The following DOCK7 variants were observed in gnomAD, a reference collection of about 807,000 sequenced individuals.
The protein encoded by DOCK7 is dedicator of cytokinesis protein 7.
A neutral mutation model predicts 271.0 loss-of-function variants in DOCK7; 138 were observed. The ratio of observed to expected loss-of-function variants is 0.51; its 90% CI spans 0.44 to 0.59. The LOEUF (loss-of-function observed/expected upper bound fraction) is 0.59, where lower values mean the gene tolerates loss of function less well. Among genes scored for constraint, DOCK7 ranks in the 20% least tolerant of loss-of-function variants. The probability of loss-of-function intolerance (pLI) is 0.00; values close to 1 mark genes in which losing one functional copy is unlikely to be tolerated. For synonymous variants in DOCK7, 823 were observed against 876.1 expected, an observed-to-expected ratio of 0.94 and a Z score of 1.07; for missense variants, 2,066 against 2,592.4, an observed-to-expected ratio of 0.80 and a Z score of 4.41.
chr1:62,671,046 A>G (rs1276095470), intron 1 of DOCK7, among the ~76,000 whole-genome samples: 1 of 152,024 alleles, frequency 6.6e-6, no homozygotes, highest in African/African-American at 2.4e-5. Context: ...CTGCCTTAAG[A>G]GCTGTAACAC....
chr1:62,471,551 G>A (rs191081688), intron 48 of DOCK7, among the ~76,000 whole-genome samples: 1 of 152,288 alleles, frequency 6.6e-6, no homozygotes, highest in East Asian at 1.9e-4. Context: ...CACACCATAA[G>A]GCTGAGACAG....
At chr1:62,465,402 G>A (rs1476698827) in intron 48 of DOCK7, among the ~76,000 whole-genome samples, 1 of 151,920 alleles carries the variant, frequency 6.6e-6, no homozygotes, top group Non-Finnish European at 1.5e-5. Context: ...CAGGTGAATT[G>A]CTTGGTATTA....
intron 11 of DOCK7, among the ~76,000 whole-genome samples, chr1:62,630,909 G>A (rs1654543875): frequency 6.6e-6 from 1 of 152,084 alleles, no homozygotes; most frequent in Admixed American, 6.6e-5. Context: ...AAGAGGCCGG[G>A]CATGGTGGCT....
At chr1:62,684,776 T>C (rs1404779890) in intron 1 of DOCK7, among the ~76,000 whole-genome samples, 3 of 152,194 alleles carry the variant, frequency 2.0e-5, no homozygotes, top group Non-Finnish European at 4.4e-5. Flanking sequence ...ATGGACAAGA[T>C]ATACATGCTG....
chr1:62,527,603 T>A (rs1042992990), intron 31 of DOCK7, among the ~76,000 whole-genome samples: 1 of 151,830 alleles, frequency 6.6e-6, no homozygotes, highest in Non-Finnish European at 1.5e-5. Context: ...CTGGAAACCA[T>A]CATTCTCAGC....
intron 19 of DOCK7, among the ~76,000 whole-genome samples, chr1:62,559,632 G>A (rs1243547717): frequency 4.6e-5 from 7 of 152,226 alleles, no homozygotes; most frequent in African/African-American, 1.7e-4. Context: ...GACTACCTGT[G>A]TAGTTCTAAA....
At chr1:62,598,920 C>CA (rs1358310982) in intron 14 of DOCK7, 1 of 703,422 alleles carries the variant, frequency 1.4e-6, no homozygotes. Context: ...ATCACATCAG[C>CA]ATAACTGTTA....
chr1:62,479,948 G>T (rs995461891), intron 43 of DOCK7, among the ~76,000 whole-genome samples: 7 of 152,132 alleles, frequency 4.6e-5, no homozygotes, highest in African/African-American at 1.7e-4. Flanking sequence ...GCCTCCCAAA[G>T]TGCTGAGATT....
intron 2 of DOCK7, among the ~76,000 whole-genome samples, chr1:62,654,412 C>T (rs568886877): frequency 6.6e-6 from 1 of 152,112 alleles, no homozygotes; most frequent in South Asian, 2.1e-4. Context: ...CATAAAAACA[C>T]TAGTAAGAAT....
At position 62,634,748 on chromosome 1, in the gene DOCK7, C is replaced by A. The variant is rs1157755990; in HGVS notation, c.1035+25G>T. 10 of 1,593,188 alleles carry A rather than the reference C, an allele frequency of 6.3e-6. No homozygotes were observed. The African/African-American group carries it at 1.2e-4, about 19-fold the overall frequency. ...AAGTATACAGACACTACAAAATAAA[C>A]AAATATATTTAACATTATTCTCACC... On this transcript the variant is annotated intron_variant, in intron 9 of 49. Coordinates refer to ENST00000635253, the MANE Select transcript of DOCK7 (RefSeq NM_001367561.1).
chr1:62,683,881 T>C (rs1458250437), intron 1 of DOCK7, among the ~76,000 whole-genome samples: 1 of 151,710 alleles, frequency 6.6e-6, no homozygotes. Context: ...GAGCCAAGAC[T>C]GTACCACTGC....
intron 14 of DOCK7, among the ~76,000 whole-genome samples, chr1:62,589,822 C>A (rs900083431): frequency 6.7e-6 from 1 of 148,378 alleles, no homozygotes; most frequent in African/African-American, 2.5e-5. Flanking sequence ...GCGGAGCTTG[C>A]AGTGAGCCGA....
chr1:62,563,949 C>T, intron 18 of DOCK7, among the ~76,000 whole-genome samples: 1 of 143,486 alleles, frequency 7.0e-6, no homozygotes, highest in Non-Finnish European at 1.5e-5. Context: ...GACTTTAAAC[C>T]AACAAAGATC....
At chr1:62,536,682 CAT>C (rs567208612) in intron 28 of DOCK7, among the ~76,000 whole-genome samples, 164 of 152,138 alleles carry the variant, frequency 1.1e-3, no homozygotes, top group African/African-American at 3.6e-3. Flanking sequence ...TTAAATCACG[CAT>C]ATGAGATATC....
intron 28 of DOCK7, among the ~76,000 whole-genome samples, chr1:62,537,223 G>A (rs891117178): frequency 1.6e-4 from 25 of 152,268 alleles, no homozygotes; most frequent in African/African-American, 5.8e-4. Flanking sequence ...TAATTAGTAA[G>A]TTTATTTAGG....
chr1:62,635,117 C>A, intron 8 of DOCK7, 195 bp from the exon 9 acceptor site: 1 of 377,990 alleles, frequency 2.6e-6, no homozygotes. Flanking sequence ...TAAAAACATT[C>A]ATGTTAAATA....
intron 31 of DOCK7, among the ~76,000 whole-genome samples, chr1:62,514,327 A>C (rs1457480592): frequency 1.3e-5 from 2 of 152,194 alleles, no homozygotes; most frequent in Non-Finnish European, 2.9e-5. Context: ...CATGTATGTC[A>C]GACTTAGAAG....
Position 62,457,447 on chromosome 1 carries a change from C to T in DOCK7, c.6380+91G>A. The T allele has an allele frequency of 2.3e-6, 3 of 1,302,778 alleles. No individual in the cohort carries two copies. The South Asian group carries it at 4.2e-5, about 18-fold the overall frequency. The allele number at this position is 1,302,778 out of a possible 1,614,324, so 80.7% of individuals were successfully genotyped here. Reference sequence around the variant, plus strand: ...TTCTGGTCCTAAGCTTTTCGGATGACAGATGCTCGAGCTGTAAAAAGACTT... The same window carrying T: ...TTCTGGTCCTAAGCTTTTCGGATGATAGATGCTCGAGCTGTAAAAAGACTT... On this transcript the variant is annotated intron_variant, in intron 49 of 49. Transcript: ENST00000635253.
At chr1:62,599,925 A>G (rs1649863549) in intron 14 of DOCK7, among the ~76,000 whole-genome samples, 1 of 152,000 alleles carries the variant, frequency 6.6e-6, no homozygotes, top group Non-Finnish European at 1.5e-5. Context: ...TCAAACAGCT[A>G]TTCAAGAGGA....
Sources: allele counts gnomAD v4.1 joint callset (sites outside exome capture counted in the v4.1 genomes callset), GRCh38; gene constraint gnomAD v4.1.1; transcripts MANE v1.5; gene names NCBI Gene and HGNC (gene_info 2026-07-23, HGNC 2026-07-21).